The following AFG2A variants were observed in gnomAD, a reference collection of about 807,000 sequenced individuals.
AFG2A encodes AAA ATPase AFG2A.
chr4:123,061,693 C>T, the AFG2A span, among the ~76,000 whole-genome samples: 3 of 152,192 alleles, frequency 2.0e-5, no homozygotes, highest in Non-Finnish European at 4.4e-5. Context: ...TGCTTTCCAC[C>T]CCCCTCACAT....
the AFG2A span, among the ~76,000 whole-genome samples, chr4:123,192,395 G>A: frequency 1.3e-5 from 2 of 152,018 alleles, no homozygotes; most frequent in African/African-American, 2.4e-5. Context: ...TGAAGTTTTC[G>A]ACCTGACATT....
At chr4:123,023,160 A>G in the AFG2A span, among the ~76,000 whole-genome samples, 2 of 151,786 alleles carry the variant, frequency 1.3e-5, no homozygotes, top group Admixed American at 6.6e-5. Context: ...CATTGTGCAC[A>G]TGTACCCTAA....
the AFG2A span, among the ~76,000 whole-genome samples, chr4:123,022,929 T>G: frequency 6.7e-6 from 1 of 150,044 alleles, no homozygotes; most frequent in African/African-American, 2.5e-5. Flanking sequence ...GTAAACTATC[T>G]CAAGGACAAA....
At chr4:123,084,383 G>A in the AFG2A span, among the ~76,000 whole-genome samples, 3 of 151,696 alleles carry the variant, frequency 2.0e-5, no homozygotes, top group East Asian at 5.8e-4. Flanking sequence ...TAAGGTGAAA[G>A]CTTAGTATTG....
At chr4:123,215,900 T>G in the AFG2A span, among the ~76,000 whole-genome samples, 1 of 152,154 alleles carries the variant, frequency 6.6e-6, no homozygotes, top group Non-Finnish European at 1.5e-5. Context: ...ACAGTCTTTC[T>G]TCTTCTCTCT....
the AFG2A span, among the ~76,000 whole-genome samples, chr4:123,198,268 CAA>C: frequency 6.7e-4 from 94 of 140,448 alleles, no homozygotes; most frequent in Non-Finnish European, 7.7e-4. Context: ...CACTCCGTCT[CAA>C]AAAAAAAAAA....
chr4:123,018,670 G>T, the AFG2A span, among the ~76,000 whole-genome samples: 1 of 151,488 alleles, frequency 6.6e-6, no homozygotes, highest in African/African-American at 2.4e-5. Flanking sequence ...GTCTCGCTGT[G>T]TCACCCAGGC....
the AFG2A span, among the ~76,000 whole-genome samples, chr4:122,971,093 T>C: frequency 6.6e-6 from 1 of 152,158 alleles, no homozygotes; most frequent in Non-Finnish European, 1.5e-5. Flanking sequence ...CTACCTACCT[T>C]GCCAAATGCA....
At chr4:123,269,506 T>G in the AFG2A span, among the ~76,000 whole-genome samples, 1 of 152,236 alleles carries the variant, frequency 6.6e-6, no homozygotes, top group African/African-American at 2.4e-5. Context: ...TAAAAGTCCA[T>G]CTTGACAAGT....
the AFG2A span, among the ~76,000 whole-genome samples, chr4:123,069,504 G>A: frequency 6.6e-6 from 1 of 152,086 alleles, no homozygotes; most frequent in Admixed American, 6.5e-5. Context: ...AAGGAGTGTA[G>A]GTAGAAAAAA....
the AFG2A span, among the ~76,000 whole-genome samples, chr4:123,096,164 G>A: frequency 0.63 from 95,172 of 151,930 alleles, 33,534 homozygotes; most frequent in East Asian, 0.97. Context: ...ATGTCCCTAA[G>A]TCCCCGAGGC....
chr4:123,255,200 AG>A, the AFG2A span, among the ~76,000 whole-genome samples: 2 of 152,134 alleles, frequency 1.3e-5, no homozygotes, highest in African/African-American at 2.4e-5. Context: ...CCTGGACTCA[AG>A]CAGTCTGCCC....
At chr4:123,027,939 CAGTT>C in the AFG2A span, among the ~76,000 whole-genome samples, 4 of 149,438 alleles carry the variant, frequency 2.7e-5, no homozygotes, top group African/African-American at 5.0e-5. Context: ...ATCATTTAAA[CAGTT>C]ATTTATATGA....
chr4:123,183,326 T>G, the AFG2A span, among the ~76,000 whole-genome samples: 1 of 152,238 alleles, frequency 6.6e-6, no homozygotes, highest in Non-Finnish European at 1.5e-5. Context: ...GCTTGCTACA[T>G]AACAATCACT....
At chr4:123,189,809 CT>C in the AFG2A span, among the ~76,000 whole-genome samples, 67 of 61,764 alleles carry the variant, frequency 1.1e-3, no homozygotes, top group Middle Eastern at 0.026. Flanking sequence ...AGGTCATTTG[CT>C]TTTTTTTTTT....
At chr4:123,063,805 A>C in the AFG2A span, among the ~76,000 whole-genome samples, 3 of 152,184 alleles carry the variant, frequency 2.0e-5, no homozygotes, top group African/African-American at 7.2e-5. Flanking sequence ...AGGATGTTTC[A>C]CAATTGAGCA....
chr4:123,019,083 T>C, the AFG2A span, among the ~76,000 whole-genome samples: 1 of 152,164 alleles, frequency 6.6e-6, no homozygotes, highest in Non-Finnish European at 1.5e-5. Flanking sequence ...ATAAAGTATC[T>C]AGTATTTATT....
At chr4:123,184,858 G>A in the AFG2A span, among the ~76,000 whole-genome samples, 1 of 152,118 alleles carries the variant, frequency 6.6e-6, no homozygotes, top group Non-Finnish European at 1.5e-5. Flanking sequence ...TTTCTAAAGT[G>A]AAAATAAACA....
chr4:123,056,052 A>C, the AFG2A span, among the ~76,000 whole-genome samples: 1 of 152,232 alleles, frequency 6.6e-6, no homozygotes, highest in Non-Finnish European at 1.5e-5. Flanking sequence ...GCCAGTGGTT[A>C]GGCCTGAGAA....
Sources: allele counts gnomAD v4.1 joint callset (sites outside exome capture counted in the v4.1 genomes callset), GRCh38; gene constraint gnomAD v4.1.1; transcripts MANE v1.5; gene names NCBI Gene and HGNC (gene_info 2026-07-23, HGNC 2026-07-21).